GLRA2: variants seen among roughly 807,000 people sequenced by gnomAD.
The protein encoded by GLRA2 is glycine receptor subunit alpha-2.
GLRA2 carries 11 observed loss-of-function variants against 31.6 expected under a neutral mutation model. That is an observed-to-expected ratio of 0.35 (90% CI 0.22 to 0.58). The LOEUF is 0.58. GLRA2 is among the 20% of genes least tolerant of loss of function. The pLI is 0.84. For synonymous variants in GLRA2, 132 were observed against 134.0 expected (o/e 0.99, Z 0.10); for missense variants, 212 against 351.8 (o/e 0.60, Z 3.18).
intron 2 of GLRA2, among the ~76,000 whole-genome samples, chrX:14,549,440 C>T (rs776275995): frequency 3.6e-4 from 40 of 111,332 alleles, no homozygotes; most frequent in African/African-American, 1.2e-3. Context: ...CTCAAGATAC[C>T]TTTCAAAGGA....
At chrX:14,504,816 G>A in the GLRA2 span, among the ~76,000 whole-genome samples, 1 of 111,827 alleles carries the variant, frequency 8.9e-6, no homozygotes, top group African/African-American at 3.2e-5. Flanking sequence ...ACCACATGGG[G>A]CATAAAATAT....
intron 8 of GLRA2, among the ~76,000 whole-genome samples, chrX:14,704,864 T>A (rs969452075): frequency 2.4e-4 from 27 of 111,599 alleles, no homozygotes; most frequent in Middle Eastern, 4.6e-3. Flanking sequence ...ATTTTAGAGG[T>A]CAATATCAGA....
At chrX:14,680,154 C>G (rs982941819) in intron 7 of GLRA2, among the ~76,000 whole-genome samples, 1 of 112,074 alleles carries the variant, frequency 8.9e-6, no homozygotes, top group African/African-American at 3.2e-5. Context: ...TGAATTTGAT[C>G]CATGGACTAT....
chrX:14,589,736 A>ATGTG (rs747487563), intron 4 of GLRA2, among the ~76,000 whole-genome samples: 73 of 107,752 alleles, frequency 6.8e-4, no homozygotes, highest in Non-Finnish European at 8.4e-4. Flanking sequence ...GTGTATATAT[A>ATGTG]TGTGTATATA....
chrX:14,650,816 G>C (rs1198147485), intron 7 of GLRA2, among the ~76,000 whole-genome samples: 1 of 111,664 alleles, frequency 9.0e-6, no homozygotes, highest in Non-Finnish European at 1.9e-5. Context: ...AAGCTTAACT[G>C]TGGCATCCCA....
At chrX:14,578,341 A>G (rs1306602881) in intron 3 of GLRA2, among the ~76,000 whole-genome samples, 1 of 112,340 alleles carries the variant, frequency 8.9e-6, no homozygotes, top group Non-Finnish European at 1.9e-5. Flanking sequence ...TACAGACCCA[A>G]TACCAATTCT....
intron 7 of GLRA2, among the ~76,000 whole-genome samples, chrX:14,679,520 A>G (rs1030942749): frequency 9.0e-6 from 1 of 110,762 alleles, no homozygotes; most frequent in African/African-American, 3.3e-5. Flanking sequence ...TGAAACCCCA[A>G]ACCTATCAGC....
the GLRA2 span, among the ~76,000 whole-genome samples, chrX:14,515,319 A>G: frequency 1.8e-5 from 2 of 111,927 alleles, no homozygotes; most frequent in African/African-American, 6.5e-5. Flanking sequence ...TTTAGCTTTT[A>G]AGTTTCACGT....
intron 2 of GLRA2, among the ~76,000 whole-genome samples, chrX:14,540,996 GAAAA>G (rs931140239): frequency 3.7e-5 from 4 of 107,565 alleles, no homozygotes; most frequent in African/African-American, 1.3e-4. Flanking sequence ...CGCGGAGGGA[GAAAA>G]AAAAAGAGAG....
intron 7 of GLRA2, among the ~76,000 whole-genome samples, chrX:14,665,288 G>A (rs1300263647): frequency 8.9e-6 from 1 of 111,807 alleles, no homozygotes; most frequent in African/African-American, 3.2e-5. Flanking sequence ...CTTCTGAATA[G>A]CTCTTCCACT....
intron 7 of GLRA2, among the ~76,000 whole-genome samples, chrX:14,668,172 C>T (rs888703100): frequency 8.9e-6 from 1 of 112,139 alleles, no homozygotes; most frequent in African/African-American, 3.2e-5. Context: ...TGAATGCTAC[C>T]CTCAGTTCCT....
chrX:14,569,304 T>C (rs947139593), intron 2 of GLRA2, among the ~76,000 whole-genome samples: 2 of 111,611 alleles, frequency 1.8e-5, no homozygotes, highest in African/African-American at 6.5e-5. Context: ...CTAAAAACTT[T>C]TATGCATCAA....
chrX:14,704,672 T>C (rs777949428), intron 8 of GLRA2, among the ~76,000 whole-genome samples: 5 of 111,771 alleles, frequency 4.5e-5, no homozygotes, highest in Non-Finnish European at 9.4e-5. Flanking sequence ...TAAATGACCT[T>C]GGCTCTGTGC....
the GLRA2 span, among the ~76,000 whole-genome samples, chrX:14,491,587 G>C: frequency 8.9e-6 from 1 of 111,995 alleles, no homozygotes; most frequent in Non-Finnish European, 1.9e-5. Context: ...TTAAGACACA[G>C]ATTCCTGTAC....
intron 2 of GLRA2, 49 bp from the exon 3 acceptor site, chrX:14,574,284 T>C (rs377169605): frequency 3.7e-5 from 28 of 747,260 alleles, no homozygotes; most frequent in Non-Finnish European, 5.9e-5. Flanking sequence ...TTAATGGAGC[T>C]GTATTTTTGC....
intron 7 of GLRA2, among the ~76,000 whole-genome samples, chrX:14,625,532 A>G (rs893275669): frequency 1.1e-4 from 12 of 111,229 alleles, no homozygotes; most frequent in Admixed American, 1.1e-3. Flanking sequence ...AGCTCTTGTA[A>G]GGCAGGCCTG....
chrX:14,548,738 A>G (rs928283794), intron 2 of GLRA2, among the ~76,000 whole-genome samples: 24 of 112,037 alleles, frequency 2.1e-4, no homozygotes, highest in Middle Eastern at 4.6e-3. Context: ...TGTTCAGTAA[A>G]TAAAACCAAA....
At chrX:14,567,851 TAGAA>T (rs1183190729) in intron 2 of GLRA2, among the ~76,000 whole-genome samples, 1 of 111,323 alleles carries the variant, frequency 9.0e-6, no homozygotes, top group African/African-American at 3.3e-5. Context: ...ACAAGAAAGT[TAGAA>T]AAAAAGCACC....
chrX:14,678,980 A>G (rs758269678), intron 7 of GLRA2, among the ~76,000 whole-genome samples: 4 of 111,050 alleles, frequency 3.6e-5, no homozygotes, highest in Non-Finnish European at 7.5e-5. Context: ...CGGTCCTAAC[A>G]TGTGTAACTT....
Sources: allele counts gnomAD v4.1 joint callset (sites outside exome capture counted in the v4.1 genomes callset), GRCh38; gene constraint gnomAD v4.1.1; transcripts MANE v1.5; gene names NCBI Gene and HGNC (gene_info 2026-07-23, HGNC 2026-07-21).